Variants in CDH13 observed in about 807,000 individuals in gnomAD.
CDH13 encodes cadherin 13.
CDH13 carries 24 observed loss-of-function variants against 63.8 expected under a neutral mutation model. That is an observed-to-expected ratio of 0.38 (90% CI 0.27 to 0.53). The LOEUF is 0.53. CDH13 is among the 20% of genes least tolerant of loss of function. CDH13 has a pLI of 0.85. For missense variants in CDH13, 1,049 were observed against 903.1 expected (o/e 1.16, Z -2.07); for synonymous variants, 503 against 355.3 (o/e 1.42, Z -4.67).
intron 1 of CDH13, among the ~76,000 whole-genome samples, chr16:82,850,226 TGG>T (rs35538485): frequency 6.6e-6 from 1 of 151,892 alleles, no homozygotes; most frequent in Non-Finnish European, 1.5e-5. Flanking sequence ...TTGTGATTCA[TGG>T]GGGGTGGTTA....
chr16:83,671,509 A>C (rs893534936), intron 9 of CDH13, among the ~76,000 whole-genome samples: 4 of 152,192 alleles, frequency 2.6e-5, no homozygotes, highest in Non-Finnish European at 5.9e-5. Flanking sequence ...CTGGCCTCCC[A>C]AAATGCTGGA....
chr16:83,542,393 C>T (rs997191182), intron 7 of CDH13, among the ~76,000 whole-genome samples: 6 of 152,194 alleles, frequency 3.9e-5, no homozygotes, highest in South Asian at 2.1e-4. Context: ...GTGTTAGGTG[C>T]GTATCACAAC....
At chr16:83,123,423 G>C (rs2035674073) in intron 3 of CDH13, among the ~76,000 whole-genome samples, 2 of 152,152 alleles carry the variant, frequency 1.3e-5, no homozygotes, top group South Asian at 4.2e-4. Flanking sequence ...GGGATTACAG[G>C]CATGCACCAC....
At chr16:82,780,473 A>G (rs1363588732) in intron 1 of CDH13, among the ~76,000 whole-genome samples, 1 of 152,236 alleles carries the variant, frequency 6.6e-6, no homozygotes, top group African/African-American at 2.4e-5. Flanking sequence ...CACATTTTCA[A>G]CTGACTCTTC....
At chr16:82,786,521 T>C (rs1006277044) in intron 1 of CDH13, among the ~76,000 whole-genome samples, 2 of 150,736 alleles carry the variant, frequency 1.3e-5, no homozygotes, top group Admixed American at 6.6e-5. Context: ...TGTGTTTTAT[T>C]ATACTTTAAG....
intron 6 of CDH13, among the ~76,000 whole-genome samples, chr16:83,348,053 G>C (rs567805847): frequency 6.6e-6 from 1 of 152,096 alleles, no homozygotes; most frequent in African/African-American, 2.4e-5. Context: ...AGCCGGGTGC[G>C]GTGGTGGGTG....
intron 2 of CDH13, among the ~76,000 whole-genome samples, chr16:82,995,915 T>G (rs192599887): frequency 7.9e-4 from 120 of 152,298 alleles, no homozygotes; most frequent in African/African-American, 2.7e-3. Flanking sequence ...TTTTACACAG[T>G]GGCAAGAGGA....
chr16:83,271,836 T>A (rs556351782), intron 5 of CDH13, among the ~76,000 whole-genome samples: 21 of 152,346 alleles, frequency 1.4e-4, no homozygotes, highest in African/African-American at 5.1e-4. Flanking sequence ...TCCAATCATC[T>A]GTGTCACTGC....
intron 6 of CDH13, among the ~76,000 whole-genome samples, chr16:83,474,069 T>C (rs982020137): frequency 6.6e-6 from 1 of 152,184 alleles, no homozygotes; most frequent in Non-Finnish European, 1.5e-5. Flanking sequence ...CCAGTAGTGA[T>C]GATGGAGTGG....
At chr16:82,829,615 T>G (rs955933544) in intron 1 of CDH13, 1 of 152,004 alleles carries the variant, frequency 6.6e-6, no homozygotes, top group African/African-American at 2.4e-5. Flanking sequence ...GCAACATGAG[T>G]TAATGAAATT....
At chr16:83,384,823 C>T (rs534010310) in intron 6 of CDH13, among the ~76,000 whole-genome samples, 4 of 152,352 alleles carry the variant, frequency 2.6e-5, no homozygotes, top group Admixed American at 2.0e-4. Flanking sequence ...GATAAATCCA[C>T]CTGTCCTTTC....
At chr16:82,849,304 C>A (rs2151148730) in intron 1 of CDH13, among the ~76,000 whole-genome samples, 1 of 152,248 alleles carries the variant, frequency 6.6e-6, no homozygotes, top group East Asian at 1.9e-4. Context: ...GAGAGCAACA[C>A]CATCCTGGTC....
At chr16:83,553,014 G>T (rs1200450813) in intron 7 of CDH13, among the ~76,000 whole-genome samples, 3 of 151,480 alleles carry the variant, frequency 2.0e-5, no homozygotes, top group African/African-American at 7.3e-5. Context: ...AGGAGGCAGA[G>T]GTTGCAGTGA....
At chr16:83,289,259 C>T (rs1463013562) in intron 5 of CDH13, among the ~76,000 whole-genome samples, 1 of 152,200 alleles carries the variant, frequency 6.6e-6, no homozygotes, top group Non-Finnish European at 1.5e-5. Flanking sequence ...GCCTCTACAG[C>T]TTGAAATTGT....
chr16:83,578,466 G>T (rs1018923290), intron 7 of CDH13, among the ~76,000 whole-genome samples: 1 of 152,136 alleles, frequency 6.6e-6, no homozygotes, highest in African/African-American at 2.4e-5. Context: ...TAAGAGAGAC[G>T]CACAAATGTC....
chr16:82,729,693 A>C (rs2033294766), intron 1 of CDH13, among the ~76,000 whole-genome samples: 1 of 152,196 alleles, frequency 6.6e-6, no homozygotes. Flanking sequence ...TTTAGCCCCT[A>C]ACAAGAGAGT....
intron 6 of CDH13, among the ~76,000 whole-genome samples, chr16:83,473,874 A>C (rs1481348511): frequency 6.8e-6 from 1 of 147,468 alleles, no homozygotes; most frequent in East Asian, 2.0e-4. Context: ...CCCTCTCCAT[A>C]AAATGGGCTA....
chr16:83,538,193 AGAG>A (rs2075230776), intron 7 of CDH13, among the ~76,000 whole-genome samples: 1 of 152,234 alleles, frequency 6.6e-6, no homozygotes, highest in Non-Finnish European at 1.5e-5. Flanking sequence ...TATAAAGATT[AGAG>A]GAGGACTTGG....
chr16:83,241,670 A>C (rs546945562), intron 5 of CDH13, among the ~76,000 whole-genome samples: 13 of 152,088 alleles, frequency 8.5e-5, no homozygotes, highest in Non-Finnish European at 1.9e-4. Flanking sequence ...CCCATTTTTT[A>C]ATCAGTTTAT....
Sources: allele counts gnomAD v4.1 joint callset (sites outside exome capture counted in the v4.1 genomes callset), GRCh38; gene constraint gnomAD v4.1.1; transcripts MANE v1.5; gene names NCBI Gene and HGNC (gene_info 2026-07-23, HGNC 2026-07-21).